The following PIK3C2G variants were observed in gnomAD, a reference collection of about 807,000 sequenced individuals.
PIK3C2G encodes the protein phosphatidylinositol-4-phosphate 3-kinase catalytic subunit type 2 gamma.
PIK3C2G carries 168 observed loss-of-function variants against 181.1 expected under a neutral mutation model. That is an observed-to-expected ratio of 0.93 (90% CI 0.82 to 1.05). The LOEUF (loss-of-function observed/expected upper bound fraction) is 1.05, where lower values mean the gene tolerates loss of function less well. Ranked by LOEUF, PIK3C2G falls within the 50% of genes least tolerant of loss-of-function variation. PIK3C2G has a pLI of 0.00. For missense variants in PIK3C2G, 1,869 were observed against 1,732.8 expected, an observed-to-expected ratio of 1.08 and a Z score of -1.40; for synonymous variants, 573 against 592.2, an observed-to-expected ratio of 0.97 and a Z score of 0.47.
intron 26 of PIK3C2G, among the ~76,000 whole-genome samples, chr12:18,560,258 A>G (rs1200759237): frequency 6.6e-6 from 1 of 152,090 alleles, no homozygotes; most frequent in African/African-American, 2.4e-5. Context: ...AAGAAAAGTG[A>G]CCATGGTTGA....
At chr12:18,306,834 T>C (rs1017445141) in intron 5 of PIK3C2G, among the ~76,000 whole-genome samples, 10 of 151,976 alleles carry the variant, frequency 6.6e-5, no homozygotes, top group Admixed American at 1.3e-4. Context: ...GCAATCCTGG[T>C]TTTCAATATT....
chr12:18,692,356 G>A, the PIK3C2G span, among the ~76,000 whole-genome samples: 1 of 152,036 alleles, frequency 6.6e-6, no homozygotes, highest in Non-Finnish European at 1.5e-5. Context: ...ATAAGTAAGT[G>A]GAGAGAAAAA....
intron 18 of PIK3C2G, among the ~76,000 whole-genome samples, chr12:18,479,574 G>C (rs1939355231): frequency 6.6e-6 from 1 of 152,212 alleles, no homozygotes; most frequent in Non-Finnish European, 1.5e-5. Flanking sequence ...ACCTGGCACA[G>C]AGTAAATGCT....
chr12:18,351,351 C>G (rs920358122), intron 11 of PIK3C2G, among the ~76,000 whole-genome samples: 2 of 152,142 alleles, frequency 1.3e-5, no homozygotes, highest in East Asian at 1.9e-4. Flanking sequence ...TCACCATTTC[C>G]TCTATGCCAT....
In PIK3C2G at chr12:18,409,945, A is replaced by C. The variant is rs116182866; in HGVS notation, c.2315+10098A>C. Among the ~76,000 whole-genome samples, 1,063 of 152,110 alleles carry C rather than the reference A, an allele frequency of 7.0e-3. 6 individuals are homozygous for C. The highest frequency in any genetic ancestry group is 0.019 in the African/African-American group (777 of 41,504). On this transcript the variant is annotated intron_variant, in intron 16 of 32. Transcript: ENST00000538779. ...GAAGAGATGGGGAGAGGTACCACACACTTTAAACAACCGGATATCATTAGA... is the reference window on the plus strand; with the variant it reads ...GAAGAGATGGGGAGAGGTACCACACCCTTTAAACAACCGGATATCATTAGA...
chr12:18,243,823 T>C (rs1948010493), upstream of PIK3C2G, among the ~76,000 whole-genome samples: 2 of 151,952 alleles, frequency 1.3e-5, no homozygotes, highest in South Asian at 2.1e-4. Context: ...ATTAGGTTTC[T>C]AGAAAATACA....
intron 31 of PIK3C2G, among the ~76,000 whole-genome samples, chr12:18,628,967 T>C (rs1258261384): frequency 6.6e-6 from 1 of 152,172 alleles, no homozygotes; most frequent in Non-Finnish European, 1.5e-5. Context: ...AAAATAATTT[T>C]TAAAACCACT....
intron 12 of PIK3C2G, among the ~76,000 whole-genome samples, chr12:18,364,882 A>AAAAC (rs139815938): frequency 2.3e-3 from 344 of 151,808 alleles, no homozygotes; most frequent in African/African-American, 4.1e-3. Context: ...AGCAAGTCTA[A>AAAAC]AAACAAACAA....
chr12:18,313,963 G>T lies in PIK3C2G; in HGVS notation c.1036G>T (p.Asp346Tyr). 6.5e-7 allele frequency: 1 copy of T among 1,550,052 alleles called. No homozygotes were observed. Among genetic ancestry groups the T allele is most frequent in the South Asian group, 1.2e-5 (1 of 85,220 alleles). The change falls in exon 6 of 33, where the codon GAC (aspartate) becomes TAC (tyrosine). Residue 346 changes from aspartate (D) to tyrosine (Y), a missense_variant and splice_region_variant. By Grantham distance (160) the Asp-to-Tyr change is radical. Coordinates refer to ENST00000538779, the MANE Select transcript of PIK3C2G (RefSeq NM_001288772.2). ...TGTGTTCATTTTTTCCTCCTTCAGC[G>T]ACCACTGTTTGGGGAGCCACAAAAT... ...VCGSEEFLQN[D>Y]HCLGSHKMFQ...
intron 29 of PIK3C2G, among the ~76,000 whole-genome samples, chr12:18,575,965 A>G (rs1394728780): frequency 6.6e-6 from 1 of 152,180 alleles, no homozygotes; most frequent in Non-Finnish European, 1.5e-5. Context: ...GAAAGATTGC[A>G]TCTGAGAAGT....
the PIK3C2G span, among the ~76,000 whole-genome samples, chr12:18,713,390 CCT>C: frequency 1.3e-5 from 2 of 152,030 alleles, no homozygotes; most frequent in Non-Finnish European, 2.9e-5. Context: ...TGTTCAAAGC[CCT>C]CTCAGAATAG....
chr12:18,306,235 T>A (rs1280902978), intron 5 of PIK3C2G, among the ~76,000 whole-genome samples: 4 of 151,972 alleles, frequency 2.6e-5, no homozygotes, highest in African/African-American at 9.7e-5. Flanking sequence ...GAATAGAAAG[T>A]TTCAGATCTC....
chr12:18,470,475 A>G (rs889324069), intron 18 of PIK3C2G, among the ~76,000 whole-genome samples: 2 of 152,154 alleles, frequency 1.3e-5, no homozygotes, highest in African/African-American at 4.8e-5. Flanking sequence ...GGTCAAATAA[A>G]TCTGCAAAGG....
chr12:18,264,728 G>A (rs1194725596), intron 1 of PIK3C2G, among the ~76,000 whole-genome samples: 1 of 152,084 alleles, frequency 6.6e-6, no homozygotes, highest in East Asian at 1.9e-4. Flanking sequence ...AGCTGTGTGA[G>A]CAGACAGGCT....
At chr12:18,314,883 A>C (rs1456554890) in intron 6 of PIK3C2G, among the ~76,000 whole-genome samples, 1 of 152,198 alleles carries the variant, frequency 6.6e-6, no homozygotes, top group African/African-American at 2.4e-5. Flanking sequence ...AGGACAGATA[A>C]ACTTTCATAA....
Position 18,461,640 on chromosome 12 carries a change from T to C in PIK3C2G, c.2505-26809T>C, listed in dbSNP as rs115446424. On this transcript the variant is annotated intron_variant, in intron 18 of 32. Coordinates refer to ENST00000538779, the MANE Select transcript of PIK3C2G (RefSeq NM_001288772.2). ...AACTTGGTTTGTTAATAGTGTCTAA[T>C]TGTTGAGATAATTGAAATTAGTTGC... 7.4e-3 allele frequency among the ~76,000 whole-genome samples: 1,122 copies of C among 152,266 alleles called. 7 individuals are homozygous for C. Among genetic ancestry groups the C allele is most frequent in the African/African-American group, 0.02 (837 of 41,556 alleles).
At chr12:18,303,085 C>A (rs1049093253) in intron 5 of PIK3C2G, among the ~76,000 whole-genome samples, 14 of 124,546 alleles carry the variant, frequency 1.1e-4, no homozygotes, top group Non-Finnish European at 2.0e-4. Context: ...TAAGTAATTT[C>A]TTTTTCTTTT....
At chr12:18,270,659 A>G (rs1011335264) in intron 1 of PIK3C2G, among the ~76,000 whole-genome samples, 4 of 152,168 alleles carry the variant, frequency 2.6e-5, no homozygotes, top group Admixed American at 2.0e-4. Context: ...AAATAACAGA[A>G]AACAGTCTAT....
chr12:18,658,519 T>C, the PIK3C2G span, among the ~76,000 whole-genome samples: 22 of 152,084 alleles, frequency 1.4e-4, no homozygotes, highest in African/African-American at 5.3e-4. Flanking sequence ...AGGCCAGACA[T>C]ATGAAATATT....
Sources: allele counts gnomAD v4.1 joint callset (sites outside exome capture counted in the v4.1 genomes callset), GRCh38; gene constraint gnomAD v4.1.1; transcripts MANE v1.5; gene names NCBI Gene and HGNC (gene_info 2026-07-23, HGNC 2026-07-21).